The following RTTN variants were observed in gnomAD, a reference collection of about 807,000 sequenced individuals.
RTTN encodes the protein rotatin.
Under a neutral mutation model 269.2 loss-of-function variants are expected in RTTN, and 182 were observed. The ratio of observed to expected loss-of-function variants is 0.68; its 90% CI spans 0.60 to 0.76. The LOEUF is 0.76. Ranked by LOEUF, RTTN falls within the 30% of genes least tolerant of loss-of-function variation. RTTN has a pLI of 0.00. For missense variants in RTTN, 2,545 were observed against 2,608.6 expected, an observed-to-expected ratio of 0.98 and a Z score of 0.53; for synonymous variants, 1,006 against 963.5, an observed-to-expected ratio of 1.04 and a Z score of -0.82.
chr18:70,015,965 C>T (rs1358024100), intron 46 of RTTN, among the ~76,000 whole-genome samples: 3 of 152,154 alleles, frequency 2.0e-5, no homozygotes, highest in Non-Finnish European at 4.4e-5. Context: ...TCATCACCCT[C>T]ATTTTACAAA....
chr18:70,003,417 C>T lies in RTTN; in HGVS notation c.*734G>A, dbSNP rs1195525135. 1 of 152,124 alleles carries T rather than the reference C, an allele frequency of 6.6e-6. No homozygotes were observed. The highest frequency in any genetic ancestry group is 1.5e-5 in the Non-Finnish European group (1 of 68,030). The allele number at this position is 152,124 out of a possible 1,614,324, so 9.4% of individuals were successfully genotyped here. On this transcript the variant is annotated 3_prime_UTR_variant, in exon 49 of 49. Transcript: ENST00000640769. ...TAAATTTGAACCCAGGCTTATACAG[C>T]CCCAACTCTATTTCTTTCTTCTTTA...
At chr18:70,168,484 T>C (rs1299105017) in intron 12 of RTTN, among the ~76,000 whole-genome samples, 3 of 152,168 alleles carry the variant, frequency 2.0e-5, no homozygotes, top group Non-Finnish European at 2.9e-5. Flanking sequence ...GGCAAAAATA[T>C]GTCTACAAGT....
In RTTN at chr18:70,134,545, T is replaced by A. The variant is rs368476889; in HGVS notation, c.2886-4A>T. 6.3e-7 allele frequency: 1 copy of A among 1,598,236 alleles called. No individual in the cohort carries two copies. The highest frequency in any genetic ancestry group is 8.5e-7 in the Non-Finnish European group (1 of 1,173,860). On this transcript the variant is annotated splice_region_variant and splice_polypyrimidine_tract_variant and intron_variant, in intron 22 of 48. Transcript: ENST00000640769. ...TTTATTGGAAGGATTAACAGACCTA[T>A]TTCATAAAAGAAAAACAAAAACAAA...
rs2059891285 is a variant in RTTN, at chr18:70,127,360, T to C, written c.3383+142A>G. 5 of 939,924 alleles carry C rather than the reference T, an allele frequency of 5.3e-6. No homozygotes were observed. In the South Asian group the frequency reaches 1.4e-4, roughly 25 times the overall value. 58.2% of individuals were successfully genotyped at this position (939,924 alleles called of 1,614,324 possible). The stretch of plus-strand genomic sequence containing the variant: ...TTAAAAATTTCTCTTTGGCTATTAT[T>C]ACAGATGATAAAAATCCTGGAGTTT... On this transcript the variant is annotated intron_variant, in intron 25 of 48. Coordinates refer to ENST00000640769, the MANE Select transcript of RTTN (RefSeq NM_173630.4).
chr18:70,068,190 T>C (rs980172614), intron 34 of RTTN, among the ~76,000 whole-genome samples: 1 of 152,246 alleles, frequency 6.6e-6, no homozygotes, highest in Non-Finnish European at 1.5e-5. Context: ...AGTATTTGGT[T>C]ACATTTGATA....
chr18:70,026,230 G>A (rs937017836), intron 43 of RTTN, among the ~76,000 whole-genome samples: 8 of 152,094 alleles, frequency 5.3e-5, no homozygotes, highest in South Asian at 2.1e-4. Flanking sequence ...TAATTTCCCC[G>A]CTGCTGCTCT....
In RTTN at chr18:70,030,036, A is replaced by G; in HGVS notation, c.5721T>C (p.Pro1907=). Residue 1907 remains proline, a synonymous_variant, in exon 42 of 49, where the codon CCT becomes CCC. Coordinates refer to ENST00000640769, the MANE Select transcript of RTTN (RefSeq NM_173630.4). ...NAQLNLDSLR[P]GKAALKKKED... ...CCTTTTTTTTCAATGCTGCTTTCCC[A>G]GGCCTCAGAGAATCTAGGTTCAGTT... 1.2e-6 allele frequency: 2 copies of G among 1,612,694 alleles called. No homozygotes were observed. The highest frequency in any genetic ancestry group is 1.7e-6 in the Non-Finnish European group (2 of 1,179,300).
chr18:70,026,308 C>T (rs1437488110), intron 43 of RTTN, among the ~76,000 whole-genome samples: 1 of 152,136 alleles, frequency 6.6e-6, no homozygotes, highest in African/African-American at 2.4e-5. Context: ...GAATTGTAAT[C>T]CCCAGTGCTA....
chr18:70,055,782 A>G (rs546791978), intron 37 of RTTN, among the ~76,000 whole-genome samples: 15 of 152,334 alleles, frequency 9.8e-5, no homozygotes, highest in African/African-American at 3.6e-4. Context: ...TAAAATATTC[A>G]TATCTTAAGA....
chr18:70,019,985 C>T (rs991811995), intron 45 of RTTN: 5 of 152,198 alleles, frequency 3.3e-5, no homozygotes, highest in Non-Finnish European at 7.3e-5. Flanking sequence ...AATCTGATTA[C>T]ATTCAAATTT....
At chr18:70,012,043 T>C (rs1166456463) in intron 46 of RTTN, among the ~76,000 whole-genome samples, 2 of 135,040 alleles carry the variant, frequency 1.5e-5, no homozygotes, top group African/African-American at 5.5e-5. Context: ...CTCACTGGTA[T>C]TGGTTACAGG....
chr18:70,095,100 T>C (rs1364530966), intron 28 of RTTN, among the ~76,000 whole-genome samples: 1 of 150,112 alleles, frequency 6.7e-6, no homozygotes, highest in Non-Finnish European at 1.5e-5. Flanking sequence ...AAATCTGTTT[T>C]ATCAGTGATG....
chr18:70,056,495 C>G (rs2057820301), intron 37 of RTTN, among the ~76,000 whole-genome samples: 1 of 152,158 alleles, frequency 6.6e-6, no homozygotes, highest in South Asian at 2.1e-4. Context: ...TCATTCATCC[C>G]ACAAGTATCA....
At chr18:70,182,594 A>C (rs1311827407) in intron 10 of RTTN, among the ~76,000 whole-genome samples, 1 of 152,220 alleles carries the variant, frequency 6.6e-6, no homozygotes, top group African/African-American at 2.4e-5. Context: ...TCTTCAAGGA[A>C]GGCAAGGTTA....
At chr18:70,067,105 C>T (rs1181833821) in intron 34 of RTTN, among the ~76,000 whole-genome samples, 2 of 151,648 alleles carry the variant, frequency 1.3e-5, no homozygotes, top group East Asian at 3.9e-4. Flanking sequence ...ACATCAAATG[C>T]CTTATTTTAT....
intron 26 of RTTN, among the ~76,000 whole-genome samples, chr18:70,120,822 G>A (rs1429750274): frequency 1.7e-4 from 26 of 152,044 alleles, no homozygotes; most frequent in African/African-American, 6.3e-4. Flanking sequence ...AGGCCAAGGT[G>A]GGCGGATCAC....
At position 70,193,176 on chromosome 18, in the gene RTTN, C is replaced by CA. The variant is rs35759421; in HGVS notation, c.1007+111dup. 71,524 of 654,212 alleles carry CA rather than the reference C, an allele frequency of 0.11. 87 individuals are homozygous for CA. Among genetic ancestry groups the CA allele is most frequent in the Non-Finnish European group, 0.12 (53,320 of 457,052 alleles). The allele number at this position is 654,212 out of a possible 1,614,324, so 40.5% of individuals were successfully genotyped here. On this transcript the variant is annotated intron_variant, in intron 8 of 48. Transcript: ENST00000640769. ...AAGGCCTATACCTGTGTTAATGTTT[C>CA]AAAAAAAAAAAAAAAAAAAAGGACA...
At chr18:70,136,956 T>C (rs2060138928) in intron 21 of RTTN, among the ~76,000 whole-genome samples, 1 of 152,138 alleles carries the variant, frequency 6.6e-6, no homozygotes, top group African/African-American at 2.4e-5. Context: ...AGAAAGATAT[T>C]CAAGTTACAT....
intron 22 of RTTN, 54 bp downstream of exon 22, chr18:70,135,130 G>T: frequency 1.0e-6 from 1 of 999,296 alleles, no homozygotes; most frequent in Non-Finnish European, 1.5e-6. Context: ...GATTACATCA[G>T]ATACCTGAGA....
Sources: gnomAD v4.1 joint callset for allele counts (sites outside exome capture counted in the v4.1 genomes callset) on GRCh38, gnomAD v4.1.1 for gene constraint, MANE v1.5 for transcripts, NCBI Gene and HGNC (gene_info 2026-07-23, HGNC 2026-07-21) for gene names.